Variants in XRCC4 observed in about 807,000 individuals in gnomAD.
XRCC4 encodes the protein DNA repair protein XRCC4.
A neutral mutation model predicts 39.1 loss-of-function variants in XRCC4; 28 were observed. The observed-to-expected ratio is 0.72, with a 90% CI of 0.53 to 0.98. The LOEUF (loss-of-function observed/expected upper bound fraction) is 0.98. XRCC4 is among the 50% of genes least tolerant of loss of function. The pLI, the probability that XRCC4 is intolerant of heterozygous loss-of-function variation, is 0.00. For synonymous variants in XRCC4, 123 were observed against 126.4 expected, an observed-to-expected ratio of 0.97 and a Z score of 0.18; for missense variants, 350 against 376.4, an observed-to-expected ratio of 0.93 and a Z score of 0.58.
intron 7 of XRCC4, among the ~76,000 whole-genome samples, chr5:83,324,318 C>T (rs1430767063): frequency 1.3e-5 from 2 of 152,114 alleles, no homozygotes; most frequent in Non-Finnish European, 2.9e-5. Flanking sequence ...AAATGAAAGA[C>T]ACATGTGCAT....
intron 6 of XRCC4, among the ~76,000 whole-genome samples, chr5:83,256,534 C>G (rs1328738858): frequency 1.3e-5 from 2 of 151,914 alleles, no homozygotes; most frequent in African/African-American, 4.8e-5. Context: ...TCCTCTACCT[C>G]TAACAGTTTT....
At chr5:83,343,194 G>A (rs1354242184) in intron 7 of XRCC4, among the ~76,000 whole-genome samples, 1 of 151,464 alleles carries the variant, frequency 6.6e-6, no homozygotes, top group Non-Finnish European at 1.5e-5. Context: ...CTTTACCCTC[G>A]TCGTCATCGG....
intron 6 of XRCC4, among the ~76,000 whole-genome samples, chr5:83,209,091 T>A (rs200620938): frequency 0.063 from 9,367 of 149,384 alleles, 394 homozygotes; most frequent in Admixed American, 0.12. Flanking sequence ...TGAGTGTGTG[T>A]GTGTGTGTGT....
rs556474421 is a variant in XRCC4 at position 83,082,974 on chromosome 5, C to G, written c.-11+5359C>G. ...CTACTTCTACCACAGGGCCTTTGCACTGACTGCTGCTTCTTTCTAGAATGC... is the reference window on the plus strand; with the variant it reads ...CTACTTCTACCACAGGGCCTTTGCAGTGACTGCTGCTTCTTTCTAGAATGC... On this transcript the variant is annotated intron_variant, in intron 1 of 7. Transcript: ENST00000396027. 2.6e-5 allele frequency among the ~76,000 whole-genome samples: 4 copies of G among 151,490 alleles called. No individual in the cohort carries two copies. In the South Asian group the frequency reaches 8.4e-4, roughly 32 times the overall value.
intron 3 of XRCC4, among the ~76,000 whole-genome samples, chr5:83,129,266 G>T (rs1245334927): frequency 1.2e-4 from 17 of 147,594 alleles, no homozygotes; most frequent in South Asian, 4.4e-4. Flanking sequence ...TCTCAGGTTT[G>T]TCAAAGATCA....
intron 7 of XRCC4, among the ~76,000 whole-genome samples, chr5:83,312,654 G>T (rs1027020360): frequency 6.6e-6 from 1 of 152,162 alleles, no homozygotes; most frequent in Non-Finnish European, 1.5e-5. Flanking sequence ...CACATGGGAG[G>T]AGAGTTTTGA....
At chr5:83,242,909 A>C (rs1752967216) in intron 6 of XRCC4, among the ~76,000 whole-genome samples, 1 of 152,230 alleles carries the variant, frequency 6.6e-6, no homozygotes, top group Admixed American at 6.5e-5. Flanking sequence ...GCTCAAGATT[A>C]CACAGATGGT....
intron 1 of XRCC4, among the ~76,000 whole-genome samples, chr5:83,081,113 C>T (rs1240937756): frequency 2.0e-5 from 3 of 152,146 alleles, no homozygotes; most frequent in Non-Finnish European, 4.4e-5. Flanking sequence ...CTCACGGGGC[C>T]TTGGGATATA....
At chr5:83,327,314 C>T (rs1756295567) in intron 7 of XRCC4, among the ~76,000 whole-genome samples, 1 of 152,012 alleles carries the variant, frequency 6.6e-6, no homozygotes, top group Admixed American at 6.6e-5. Context: ...TTGAGTCTGG[C>T]TTCTTTCATG....
chr5:83,311,796 C>T (rs1046357596), intron 7 of XRCC4, among the ~76,000 whole-genome samples: 2 of 151,812 alleles, frequency 1.3e-5, no homozygotes, highest in African/African-American at 2.4e-5. Context: ...CCCTTTATTC[C>T]AGATATAGTT....
intron 7 of XRCC4, among the ~76,000 whole-genome samples, chr5:83,336,139 T>C (rs1485906615): frequency 6.6e-6 from 1 of 152,100 alleles, no homozygotes; most frequent in Non-Finnish European, 1.5e-5. Flanking sequence ...GAATATACTT[T>C]AGCCATTTAA....
chr5:83,353,306 A>G lies in XRCC4; in HGVS notation c.*64A>G, dbSNP rs1004578108. The stretch of plus-strand genomic sequence containing the variant: ...TTTCTATTCATTTCTTTAAAATGAA[A>G]AAGGAGAATTTCAAGTCAGCAGCCG... On this transcript the variant is annotated 3_prime_UTR_variant, in exon 8 of 8. Transcript: ENST00000396027. 41 of 1,306,176 alleles carry G rather than the reference A, an allele frequency of 3.1e-5. No individual in the cohort carries two copies. Among genetic ancestry groups the G allele is most frequent in the Non-Finnish European group, 4.2e-5 (40 of 943,580 alleles). 80.9% of individuals were successfully genotyped at this position (1,306,176 alleles called of 1,614,324 possible).
the XRCC4 span, among the ~76,000 whole-genome samples, chr5:83,363,479 G>A: frequency 2.6e-5 from 4 of 152,144 alleles, no homozygotes; most frequent in African/African-American, 9.7e-5. Context: ...GTAACGTGAA[G>A]GCACAACCAC....
At chr5:83,348,593 G>T (rs1188020609) in intron 7 of XRCC4, among the ~76,000 whole-genome samples, 1 of 152,198 alleles carries the variant, frequency 6.6e-6, no homozygotes, top group African/African-American at 2.4e-5. Flanking sequence ...AAACCATTCT[G>T]CCCTCCTAGG....
chr5:83,269,825 G>A (rs1169478609), intron 7 of XRCC4, among the ~76,000 whole-genome samples: 1 of 152,084 alleles, frequency 6.6e-6, no homozygotes, highest in Admixed American at 6.6e-5. Flanking sequence ...TTGGCACCAG[G>A]GACTGGTTTT....
chr5:83,354,940 G>T (rs935911693), downstream of XRCC4, among the ~76,000 whole-genome samples: 1 of 152,020 alleles, frequency 6.6e-6, no homozygotes, highest in African/African-American at 2.4e-5. Flanking sequence ...TAAAATCTTA[G>T]ATAAGATTAT....
intron 7 of XRCC4, among the ~76,000 whole-genome samples, chr5:83,299,988 A>T (rs565827428): frequency 7.1e-4 from 108 of 152,264 alleles, no homozygotes; most frequent in African/African-American, 2.5e-3. Context: ...ACTTGTGGAG[A>T]TTCTTTGAGG....
At chr5:83,269,563 T>A (rs1188012544) in intron 7 of XRCC4, among the ~76,000 whole-genome samples, 6 of 151,700 alleles carry the variant, frequency 4.0e-5, no homozygotes, top group Non-Finnish European at 8.8e-5. Context: ...AGAAAATATA[T>A]TACATTTGAT....
chr5:83,119,408 C>A lies in XRCC4; in HGVS notation c.315+8205C>A, dbSNP rs560810121. On this transcript the variant is annotated intron_variant, in intron 3 of 7. Transcript: ENST00000396027. ...CTGAACACTATATAATTTTTGTGAT[C>A]TTTTTGGAATGTGAGGACTAAGTAA... Among the ~76,000 whole-genome samples the A allele has an allele frequency of 8.5e-5, 13 of 152,130 alleles. No individual in the cohort carries two copies. The South Asian group carries it at 2.7e-3, about 32-fold the overall frequency.
Sources: gnomAD v4.1 joint callset for allele counts (sites outside exome capture counted in the v4.1 genomes callset) on GRCh38, gnomAD v4.1.1 for gene constraint, MANE v1.5 for transcripts, NCBI Gene and HGNC (gene_info 2026-07-23, HGNC 2026-07-21) for gene names.